CIAO2A: variants seen among roughly 807,000 people sequenced by gnomAD.
CIAO2A encodes MIP18 family protein FAM96A.
In CIAO2A, 17 loss-of-function variants were observed where a neutral mutation model predicts 22.4. The ratio of observed to expected loss-of-function variants is 0.76; its 90% CI spans 0.52 to 1.14. The LOEUF is 1.14. Ranked by LOEUF, CIAO2A falls within the 50% of genes most tolerant of loss-of-function variation. The probability of loss-of-function intolerance (pLI) is 0.00; values close to 1 mark genes in which losing one functional copy is unlikely to be tolerated. For missense variants in CIAO2A, 192 were observed against 191.4 expected (o/e 1.00, Z -0.02); for synonymous variants, 74 against 72.3 (o/e 1.02, Z -0.12).
chr15:64,093,540 A>G, intron 1 of CIAO2A, 105 bp downstream of exon 1: 1 of 1,309,920 alleles, frequency 7.6e-7, no homozygotes, highest in Non-Finnish European at 1.0e-6. Context: ...CAAACAAAAA[A>G]AAAGGTCTCC....
chr15:64,079,196 C>T (rs1567305443), intron 3 of CIAO2A, among the ~76,000 whole-genome samples: 1 of 151,758 alleles, frequency 6.6e-6, no homozygotes, highest in East Asian at 1.9e-4. Flanking sequence ...AGAAAGAAAT[C>T]AGGACTGATA....
intron 2 of CIAO2A, among the ~76,000 whole-genome samples, chr15:64,087,259 T>C (rs2080805078): frequency 6.6e-6 from 1 of 151,964 alleles, no homozygotes; most frequent in Non-Finnish European, 1.5e-5. Context: ...GCCTGGCTAA[T>C]TTTTTATAGT....
intron 3 of CIAO2A, among the ~76,000 whole-genome samples, chr15:64,078,633 C>G (rs1485105998): frequency 3.2e-5 from 1 of 31,024 alleles, no homozygotes; most frequent in African/African-American, 5.8e-5. Context: ...GAGATTCCAT[C>G]GCAAACAAAA....
intron 3 of CIAO2A, among the ~76,000 whole-genome samples, chr15:64,077,799 G>A (rs12708480): frequency 0.54 from 81,638 of 152,084 alleles, 27,058 homozygotes; most frequent in East Asian, 0.8. Context: ...AGAGCCAGGA[G>A]GAGGGACCGC....
At chr15:64,088,354 A>C (rs2080813706) in intron 2 of CIAO2A, among the ~76,000 whole-genome samples, 1 of 152,218 alleles carries the variant, frequency 6.6e-6, no homozygotes, top group African/African-American at 2.4e-5. Context: ...TGGGAGGGGC[A>C]GCCTGACATA....
intron 1 of CIAO2A, among the ~76,000 whole-genome samples, chr15:64,092,063 CAA>C (rs35475525): frequency 1.0e-3 from 64 of 63,666 alleles, no homozygotes; most frequent in East Asian, 2.0e-3. Flanking sequence ...GACCCTGTCT[CAA>C]AAAAAAAAAA....
chr15:64,073,184 G>C (rs1350685694), intron 4 of CIAO2A, among the ~76,000 whole-genome samples, 156 bp from the exon 5 acceptor site: 2 of 152,018 alleles, frequency 1.3e-5, no homozygotes, highest in Admixed American at 6.6e-5. Flanking sequence ...CCATCTAGAA[G>C]GCAGACTTAA....
intron 3 of CIAO2A, among the ~76,000 whole-genome samples, chr15:64,077,589 A>G (rs2080728614): frequency 6.6e-6 from 1 of 152,254 alleles, no homozygotes; most frequent in East Asian, 1.9e-4. Flanking sequence ...ACATTTATTC[A>G]GTATTCTTGC....
chr15:64,073,003 C>G lies in CIAO2A; in HGVS notation c.411G>C (p.Glu137Asp). The change falls in exon 5 of 5, where the codon GAG becomes GAC. Residue 137 changes from glutamate to aspartate, a missense_variant. Transcript: ENST00000300030. ...EDINKQINDK[E>D]RVAAAMENPN... Reference sequence around the variant, plus strand: ...GGTTTTCCATTGCAGCTGCCACTCGCTCTTTGTCATTTATCTGCTTATTGA... The same window carrying G: ...GGTTTTCCATTGCAGCTGCCACTCGGTCTTTGTCATTTATCTGCTTATTGA... 1 of 1,613,706 alleles carries G rather than the reference C, an allele frequency of 6.2e-7. No homozygotes were observed. Among genetic ancestry groups the G allele is most frequent in the Non-Finnish European group, 8.5e-7 (1 of 1,179,748 alleles).
At chr15:64,073,429 T>C (rs1403882255) in intron 4 of CIAO2A, among the ~76,000 whole-genome samples, 1 of 152,230 alleles carries the variant, frequency 6.6e-6, no homozygotes, top group African/African-American at 2.4e-5. Flanking sequence ...CCTTTAAACA[T>C]ATAGCCTTCT....
At chr15:64,086,118 G>A (rs1194602859) in intron 2 of CIAO2A, among the ~76,000 whole-genome samples, 4 of 151,482 alleles carry the variant, frequency 2.6e-5, no homozygotes, top group Non-Finnish European at 2.9e-5. Flanking sequence ...TTTTAAAAAT[G>A]AATTTGCTGG....
intron 1 of CIAO2A, 58 bp downstream of exon 1, chr15:64,093,587 C>T (rs2080862251): frequency 5.2e-6 from 8 of 1,550,462 alleles, no homozygotes; most frequent in South Asian, 2.3e-5. Flanking sequence ...ATCCCCGCAC[C>T]CCTCAGCTCC....
chr15:64,083,310 G>C (rs1160661011), intron 2 of CIAO2A, among the ~76,000 whole-genome samples: 1 of 152,004 alleles, frequency 6.6e-6, no homozygotes, highest in Non-Finnish European at 1.5e-5. Flanking sequence ...AAGTGGCAGA[G>C]GTAGAACCCA....
chr15:64,076,132 C>G (rs1169959699), intron 3 of CIAO2A, among the ~76,000 whole-genome samples: 1 of 152,112 alleles, frequency 6.6e-6, no homozygotes, highest in African/African-American at 2.4e-5. Context: ...TCATTTTACA[C>G]AAATGAGATC....
chr15:64,085,915 G>T (rs761598747), intron 2 of CIAO2A, among the ~76,000 whole-genome samples: 2 of 151,462 alleles, frequency 1.3e-5, no homozygotes, highest in Non-Finnish European at 2.9e-5. Context: ...TCACTACGTT[G>T]GCCAGGCTGG....
chr15:64,081,227 T>C, intron 2 of CIAO2A, 76 bp from the exon 3 acceptor site: 8 of 1,396,124 alleles, frequency 5.7e-6, no homozygotes, highest in Non-Finnish European at 8.1e-6. Flanking sequence ...TACAACTGCG[T>C]TTATGTGCCC....
At chr15:64,087,827 T>C (rs1472209819) in intron 2 of CIAO2A, among the ~76,000 whole-genome samples, 2 of 151,340 alleles carry the variant, frequency 1.3e-5, no homozygotes, top group Admixed American at 6.6e-5. Flanking sequence ...ACCACCACTA[T>C]TACCCGCTAA....
At chr15:64,074,360 G>A (rs553864631) in intron 4 of CIAO2A, 1 of 152,262 alleles carries the variant, frequency 6.6e-6, no homozygotes, top group African/African-American at 2.4e-5. Context: ...GTATCTCAAA[G>A]GCTGAACTGT....
At chr15:64,086,281 G>A (rs974519111) in intron 2 of CIAO2A, among the ~76,000 whole-genome samples, 6 of 151,626 alleles carry the variant, frequency 4.0e-5, no homozygotes, top group South Asian at 2.1e-4. Context: ...GCATGGTGGC[G>A]GGCGCCTGTA....
Sources: allele counts gnomAD v4.1 joint callset (sites outside exome capture counted in the v4.1 genomes callset), GRCh38; gene constraint gnomAD v4.1.1; transcripts MANE v1.5; gene names NCBI Gene and HGNC (gene_info 2026-07-23, HGNC 2026-07-21).